PDE4B: variants seen among roughly 807,000 people sequenced by gnomAD.
PDE4B encodes phosphodiesterase 4B, also known as 3',5'-cyclic-AMP phosphodiesterase 4B.
Under a neutral mutation model 82.2 loss-of-function variants are expected in PDE4B, and 20 were observed. The ratio of observed to expected loss-of-function variants is 0.24; its 90% CI spans 0.17 to 0.35. PDE4B has a LOEUF of 0.35. PDE4B is among the 10% of genes least tolerant of loss of function. The probability of loss-of-function intolerance (pLI) is 1.00; values close to 1 mark genes in which losing one functional copy is unlikely to be tolerated. For synonymous variants in PDE4B, 320 were observed against 318.9 expected (o/e 1.00, Z -0.04); for missense variants, 655 against 907.2 (o/e 0.72, Z 3.57).
At chr1:65,968,854 T>C (rs977917346) in intron 3 of PDE4B, among the ~76,000 whole-genome samples, 1 of 152,170 alleles carries the variant, frequency 6.6e-6, no homozygotes, top group Non-Finnish European at 1.5e-5. Flanking sequence ...TGTCATGTAA[T>C]TATGACCCAA....
intron 3 of PDE4B, among the ~76,000 whole-genome samples, chr1:66,056,701 G>T (rs1010352441): frequency 1.8e-4 from 27 of 152,154 alleles, no homozygotes; most frequent in Admixed American, 2.0e-4. Context: ...TTAAAGAGAG[G>T]TGACTACAGA....
chr1:66,221,546 G>A (rs2101605976), intron 3 of PDE4B, among the ~76,000 whole-genome samples: 1 of 152,284 alleles, frequency 6.6e-6, no homozygotes, highest in East Asian at 1.9e-4. Flanking sequence ...TATTAAAACT[G>A]TGTTATAGAT....
intron 6 of PDE4B, among the ~76,000 whole-genome samples, chr1:66,261,485 C>T (rs1004402170): frequency 1.3e-5 from 2 of 152,178 alleles, no homozygotes; most frequent in Non-Finnish European, 2.9e-5. Flanking sequence ...GGGTGCCACT[C>T]CCTGCCTTGA....
At chr1:66,099,590 GT>G (rs975504957) in intron 3 of PDE4B, among the ~76,000 whole-genome samples, 6 of 152,066 alleles carry the variant, frequency 3.9e-5, no homozygotes, top group African/African-American at 1.4e-4. Flanking sequence ...GAATAAAATT[GT>G]TTTTCTATTT....
chr1:66,302,789 T>C (rs767591492), intron 7 of PDE4B, among the ~76,000 whole-genome samples: 9 of 152,184 alleles, frequency 5.9e-5, no homozygotes, highest in Non-Finnish European at 1.0e-4. Flanking sequence ...GCTTTTTGGC[T>C]ATGCTGAGAT....
At chr1:66,107,828 A>G (rs1645399928) in intron 3 of PDE4B, among the ~76,000 whole-genome samples, 1 of 151,982 alleles carries the variant, frequency 6.6e-6, no homozygotes, top group Non-Finnish European at 1.5e-5. Context: ...ACTCAAGACA[A>G]TAAAAGCTGT....
chr1:66,056,465 A>G (rs1027531500), intron 3 of PDE4B, among the ~76,000 whole-genome samples: 3 of 148,196 alleles, frequency 2.0e-5, no homozygotes, highest in Non-Finnish European at 3.0e-5. Flanking sequence ...AGGAAATTTT[A>G]TATCTATCTA....
intron 2 of PDE4B, among the ~76,000 whole-genome samples, chr1:65,914,851 T>C (rs948759260): frequency 2.6e-5 from 4 of 152,164 alleles, no homozygotes; most frequent in East Asian, 1.9e-4. Flanking sequence ...CCCCACCATA[T>C]TGAATAAATA....
At chr1:66,362,458 A>C (rs1662857229) in intron 10 of PDE4B, among the ~76,000 whole-genome samples, 1 of 152,154 alleles carries the variant, frequency 6.6e-6, no homozygotes, top group Non-Finnish European at 1.5e-5. Flanking sequence ...AGACCTTCTG[A>C]AAGCTGTCAT....
chr1:66,006,810 C>T lies in PDE4B; in HGVS notation c.281+87975C>T, dbSNP rs182779902. ...ATGTGAAGAAGGACGTGTTTGCTTCCTCTTCTGCCATGATTGTAAGTTTCC... is the reference window on the plus strand; with the variant it reads ...ATGTGAAGAAGGACGTGTTTGCTTCTTCTTCTGCCATGATTGTAAGTTTCC... On this transcript the variant is annotated intron_variant, in intron 3 of 16. Transcript: ENST00000341517. Among the ~76,000 whole-genome samples, 824 of 152,158 alleles carry T rather than the reference C, an allele frequency of 5.4e-3. 4 individuals are homozygous for T. The highest frequency in any genetic ancestry group is 0.019 in the African/African-American group (781 of 41,506).
intron 3 of PDE4B, among the ~76,000 whole-genome samples, chr1:65,942,458 A>G (rs898136764): frequency 1.3e-5 from 2 of 151,646 alleles, no homozygotes; most frequent in Admixed American, 1.3e-4. Flanking sequence ...TTGATTCCTT[A>G]TCTTGGCTAT....
At chr1:66,133,447 C>T (rs193195784) in intron 3 of PDE4B, among the ~76,000 whole-genome samples, 7 of 152,242 alleles carry the variant, frequency 4.6e-5, no homozygotes, top group African/African-American at 7.2e-5. Context: ...TTTCTGTCTC[C>T]GAGTCCTATT....
chr1:66,109,522 G>T (rs1645439272), intron 3 of PDE4B, among the ~76,000 whole-genome samples: 1 of 151,734 alleles, frequency 6.6e-6, no homozygotes, highest in Non-Finnish European at 1.5e-5. Flanking sequence ...TTATAGATAT[G>T]AATTAACTGC....
At chr1:65,872,130 C>T (rs1337938439) in intron 1 of PDE4B, among the ~76,000 whole-genome samples, 1 of 152,084 alleles carries the variant, frequency 6.6e-6, no homozygotes, top group African/African-American at 2.4e-5. Flanking sequence ...ATCAAACTCA[C>T]AGGTTTTTCC....
At chr1:65,904,177 A>C (rs965028237) in intron 1 of PDE4B, among the ~76,000 whole-genome samples, 5 of 152,124 alleles carry the variant, frequency 3.3e-5, no homozygotes, top group African/African-American at 4.8e-5. Flanking sequence ...ACACCAAATT[A>C]CTGTCTGTGT....
At chr1:66,236,425 A>G (rs1002652426) in intron 3 of PDE4B, among the ~76,000 whole-genome samples, 2 of 152,166 alleles carry the variant, frequency 1.3e-5, no homozygotes, top group African/African-American at 4.8e-5. Context: ...AGATTTTAAT[A>G]AGAAGAAAAA....
At chr1:66,361,369 C>T (rs921751609) in intron 9 of PDE4B, among the ~76,000 whole-genome samples, 1 of 152,128 alleles carries the variant, frequency 6.6e-6, no homozygotes, top group African/African-American at 2.4e-5. Flanking sequence ...GGACAAGTTA[C>T]TTCGTTCCTC....
In PDE4B at chr1:65,904,321, A is replaced by G. The variant is rs188075590; in HGVS notation, c.-70-8924A>G. Among the ~76,000 whole-genome samples, 121 of 152,322 alleles carry G rather than the reference A, an allele frequency of 7.9e-4. 1 individual carries two copies. The highest frequency in any genetic ancestry group is 2.6e-3 in the Admixed American group (40 of 15,296). ...CTTAAAAAAAATTTAGTATTGGATC[A>G]AAGTCTAATTTAGAAGAAAAAATAC... On this transcript the variant is annotated intron_variant, in intron 1 of 16. Transcript: ENST00000341517.
intron 3 of PDE4B, among the ~76,000 whole-genome samples, chr1:65,977,333 G>A (rs1056653023): frequency 6.6e-6 from 1 of 152,144 alleles, no homozygotes; most frequent in African/African-American, 2.4e-5. Context: ...TGCCTTTGGT[G>A]CCAATCATGG....
Sources: gnomAD v4.1 joint callset for allele counts (sites outside exome capture counted in the v4.1 genomes callset) on GRCh38, gnomAD v4.1.1 for gene constraint, MANE v1.5 for transcripts, NCBI Gene and HGNC (gene_info 2026-07-23, HGNC 2026-07-21) for gene names.